The following RWDD4 variants were observed in gnomAD, a reference collection of about 807,000 sequenced individuals.
RWDD4 encodes RWD domain containing 4, also known as RWD domain-containing protein 4.
Under a neutral mutation model 30.0 loss-of-function variants are expected in RWDD4, and 16 were observed. That is an observed-to-expected ratio of 0.53 (90% CI 0.36 to 0.81). The LOEUF (loss-of-function observed/expected upper bound fraction) is 0.81. RWDD4 is among the 30% of genes least tolerant of loss of function. The pLI is 0.00. For missense variants in RWDD4, 170 were observed against 223.9 expected (o/e 0.76, Z 1.54); for synonymous variants, 45 against 72.1 (o/e 0.62, Z 1.90).
chr4:183,655,374 C>G (rs959609080), intron 2 of RWDD4, among the ~76,000 whole-genome samples: 1 of 151,088 alleles, frequency 6.6e-6, no homozygotes, highest in Non-Finnish European at 1.5e-5. Flanking sequence ...CTCTGCCTCC[C>G]GGGTTCACGC....
In RWDD4 at chr4:183,641,275, C is replaced by T. The variant is rs1184251224; in HGVS notation, c.*161G>A. 6.1e-6 allele frequency: 4 copies of T among 651,892 alleles called. No individual in the cohort carries two copies. 40.4% of individuals were successfully genotyped at this position (651,892 alleles called of 1,614,324 possible). A position where few individuals can be genotyped will look rare whatever the true frequency, so the allele number is the denominator to read the frequency against. On this transcript the variant is annotated 3_prime_UTR_variant, in exon 8 of 8. Transcript: ENST00000326397. Reference sequence around the variant, plus strand: ...TGAAAATAATTTAATACAACAAGATCTCTTCATGAACTTTCAACTTACAAC... The same window carrying T: ...TGAAAATAATTTAATACAACAAGATTTCTTCATGAACTTTCAACTTACAAC...
At chr4:183,655,486 A>C (rs181042737) in intron 2 of RWDD4, among the ~76,000 whole-genome samples, 1 of 151,562 alleles carries the variant, frequency 6.6e-6, no homozygotes, top group Non-Finnish European at 1.5e-5. Flanking sequence ...GGGTTTCACC[A>C]TGTTGGCCAG....
intron 4 of RWDD4, among the ~76,000 whole-genome samples, chr4:183,649,932 A>G (rs6552695): frequency 0.59 from 89,514 of 152,002 alleles, 27,254 homozygotes; most frequent in African/African-American, 0.74. Context: ...GCTTTTCTCA[A>G]TGTGAACACT....
At chr4:183,657,251 CA>C (rs1366535902) in intron 1 of RWDD4, among the ~76,000 whole-genome samples, 3 of 150,506 alleles carry the variant, frequency 2.0e-5, no homozygotes, top group Non-Finnish European at 3.0e-5. Context: ...ACAGAAAAAA[CA>C]AAAAAAAACA....
intron 7 of RWDD4, among the ~76,000 whole-genome samples, chr4:183,644,656 G>A (rs1733931824): frequency 6.6e-6 from 1 of 152,112 alleles, no homozygotes; most frequent in African/African-American, 2.4e-5. Flanking sequence ...GTGCATGCCT[G>A]TAGTCCTAGC....
intron 5 of RWDD4, 134 bp from the exon 6 acceptor site, chr4:183,646,671 G>T: frequency 1.4e-6 from 1 of 724,210 alleles, no homozygotes; most frequent in South Asian, 2.5e-5. Flanking sequence ...TGGAAAAAGA[G>T]TTTATCATTA....
rs1733843703 is a variant in RWDD4 at position 183,640,963 on chromosome 4, ATTT to A, written c.*470_*472del. 6.5e-6 allele frequency: 1 copy of A among 153,016 alleles called. No homozygotes were observed. Among genetic ancestry groups the A allele is most frequent in the Non-Finnish European group, 1.5e-5 (1 of 68,342 alleles). 9.5% of individuals were successfully genotyped at this position (153,016 alleles called of 1,614,324 possible). A position where few individuals can be genotyped will look rare whatever the true frequency, so the allele number is the denominator to read the frequency against. ...CCAGCATTTAAATTTCTCTGAAGTA[ATTT>A]ACGGTTCAGTAATTAAGCAAAAGAA... On this transcript the variant is annotated 3_prime_UTR_variant, in exon 8 of 8. Coordinates refer to ENST00000326397, the MANE Select transcript of RWDD4 (RefSeq NM_152682.4).
intron 1 of RWDD4, among the ~76,000 whole-genome samples, chr4:183,657,199 A>G (rs1050563539): frequency 1.3e-5 from 2 of 152,248 alleles, no homozygotes; most frequent in African/African-American, 4.8e-5. Flanking sequence ...CACCGACTAT[A>G]TAGATTTCAG....
intron 4 of RWDD4, among the ~76,000 whole-genome samples, chr4:183,649,903 C>CT (rs1167634762): frequency 3.3e-5 from 5 of 151,408 alleles, no homozygotes; most frequent in South Asian, 2.1e-4. Context: ...TAATTAAAAC[C>CT]TTTTTTTTTC....
At chr4:183,656,779 A>G (rs1440010805) in intron 1 of RWDD4, among the ~76,000 whole-genome samples, 4 of 152,328 alleles carry the variant, frequency 2.6e-5, no homozygotes, top group African/African-American at 7.2e-5. Context: ...TAATCCCAGC[A>G]CTTTGGGAGG....
Position 183,649,600 on chromosome 4 carries a change from A to G in RWDD4, c.364-32T>C, listed in dbSNP as rs1734036021. 3.3e-6 allele frequency: 4 copies of G among 1,210,224 alleles called. No individual in the cohort carries two copies. The East Asian group carries it at 9.3e-5, about 28-fold the overall frequency. 75.0% of individuals were successfully genotyped at this position (1,210,224 alleles called of 1,614,324 possible). On this transcript the variant is annotated intron_variant, in intron 4 of 7. Coordinates refer to ENST00000326397, the MANE Select transcript of RWDD4 (RefSeq NM_152682.4). ...AAAAAAAGAAATAATTCTCAGCCTC[A>G]TACCTTACAACTTGTGTTACACTAA...
intron 2 of RWDD4, among the ~76,000 whole-genome samples, chr4:183,651,997 C>A (rs983088090): frequency 1.3e-5 from 2 of 152,098 alleles, no homozygotes; most frequent in Non-Finnish European, 2.9e-5. Flanking sequence ...CTTTATCTTT[C>A]CCCCTCTCCA....
At chr4:183,642,555 A>C (rs879871552) in intron 7 of RWDD4, among the ~76,000 whole-genome samples, 1 of 152,140 alleles carries the variant, frequency 6.6e-6, no homozygotes, top group Admixed American at 6.6e-5. Flanking sequence ...TTCAACAGTA[A>C]ATCAGGTATA....
intron 2 of RWDD4, chr4:183,653,733 TA>T (rs1325857509): frequency 6.6e-6 from 1 of 152,172 alleles, no homozygotes; most frequent in Non-Finnish European, 1.5e-5. Flanking sequence ...ATATAGATGA[TA>T]AAAAGTGATA....
chr4:183,649,320 A>C, intron 5 of RWDD4, 131 bp downstream of exon 5: 5 of 583,600 alleles, frequency 8.6e-6, no homozygotes, highest in Non-Finnish European at 9.2e-6. Flanking sequence ...AGGCTGAGGC[A>C]GGAGAATCGC....
At chr4:183,653,010 G>A (rs1037666407) in intron 2 of RWDD4, among the ~76,000 whole-genome samples, 1 of 152,128 alleles carries the variant, frequency 6.6e-6, no homozygotes, top group Non-Finnish European at 1.5e-5. Flanking sequence ...AGATAGGCAT[G>A]AGCCACTGTG....
At position 183,642,996 on chromosome 4, in the gene RWDD4, T is replaced by C. The variant is rs534349355; in HGVS notation, c.535-1528A>G. Among the ~76,000 whole-genome samples the C allele has an allele frequency of 2.3e-3, 342 of 148,984 alleles. 1 individual carries two copies. Among genetic ancestry groups the C allele is most frequent in the African/African-American group, 7.8e-3 (312 of 40,242 alleles). ...ATGGCGTGAACCCGGGAGGCGGAGA[T>C]TGCAGTGAGCCGAGATCGTGTGACT... is the stretch of plus-strand genomic sequence containing the variant. On this transcript the variant is annotated intron_variant, in intron 7 of 7. Transcript: ENST00000326397.
At chr4:183,643,967 C>T (rs1358575248) in intron 7 of RWDD4, among the ~76,000 whole-genome samples, 1 of 152,130 alleles carries the variant, frequency 6.6e-6, no homozygotes, top group Non-Finnish European at 1.5e-5. Context: ...CTTTCATCTC[C>T]CAAGATTACT....
chr4:183,641,811 T>C (rs1733861756), intron 7 of RWDD4, among the ~76,000 whole-genome samples: 1 of 152,208 alleles, frequency 6.6e-6, no homozygotes, highest in East Asian at 1.9e-4. Context: ...TTGTTTTCCA[T>C]CACATATTCT....
Sources: allele counts gnomAD v4.1 joint callset (sites outside exome capture counted in the v4.1 genomes callset), GRCh38; gene constraint gnomAD v4.1.1; transcripts MANE v1.5; gene names NCBI Gene and HGNC (gene_info 2026-07-23, HGNC 2026-07-21).